Variants in TMEM132C observed in about 807,000 individuals in gnomAD.
The protein encoded by TMEM132C is transmembrane protein 132C, also known as protein phosphatase 1, regulatory subunit 152.
TMEM132C carries 29 observed loss-of-function variants against 61.4 expected under a neutral mutation model. The observed-to-expected ratio is 0.47, with a 90% CI of 0.35 to 0.64. The LOEUF (loss-of-function observed/expected upper bound fraction) is 0.64. TMEM132C is among the 30% of genes least tolerant of loss of function. The pLI is 0.00. For synonymous variants in TMEM132C, 656 were observed against 633.1 expected, an observed-to-expected ratio of 1.04 and a Z score of -0.54; for missense variants, 1,408 against 1,476.9, an observed-to-expected ratio of 0.95 and a Z score of 0.76.
intron 2 of TMEM132C, among the ~76,000 whole-genome samples, chr12:128,506,014 T>A (rs1210219711): frequency 6.6e-6 from 1 of 152,220 alleles, no homozygotes; most frequent in South Asian, 2.1e-4. Flanking sequence ...GGCATAAATA[T>A]GGAGCATTTT....
intron 1 of TMEM132C, among the ~76,000 whole-genome samples, chr12:128,351,615 T>C (rs1225078435): frequency 6.6e-6 from 1 of 151,994 alleles, no homozygotes; most frequent in Non-Finnish European, 1.5e-5. Flanking sequence ...CTGCTTCCAC[T>C]CATGGTGGAA....
chr12:128,562,722 T>C (rs1432014018), intron 3 of TMEM132C, among the ~76,000 whole-genome samples: 1 of 152,130 alleles, frequency 6.6e-6, no homozygotes, highest in African/African-American at 2.4e-5. Context: ...AAAACCACAG[T>C]GGTCACCCCT....
intron 2 of TMEM132C, among the ~76,000 whole-genome samples, chr12:128,469,022 A>G (rs1156388868): frequency 6.6e-6 from 1 of 152,226 alleles, no homozygotes; most frequent in Non-Finnish European, 1.5e-5. Context: ...AGAAACACAA[A>G]GAATTCAACA....
chr12:128,429,962 G>C (rs1869331003), intron 2 of TMEM132C, among the ~76,000 whole-genome samples: 1 of 152,114 alleles, frequency 6.6e-6, no homozygotes, highest in Admixed American at 6.5e-5. Context: ...ACATTGGGGA[G>C]AGGAGGACCA....
intron 3 of TMEM132C, among the ~76,000 whole-genome samples, chr12:128,597,088 A>C (rs1435551481): frequency 6.6e-6 from 1 of 152,212 alleles, no homozygotes; most frequent in African/African-American, 2.4e-5. Flanking sequence ...TTGCTTCTCC[A>C]AATCAGCTTA....
intron 1 of TMEM132C, among the ~76,000 whole-genome samples, chr12:128,308,341 C>G (rs1871850871): frequency 6.8e-6 from 1 of 146,030 alleles, no homozygotes; most frequent in East Asian, 2.5e-4. Flanking sequence ...AACATATCAC[C>G]CTTGGCCAGT....
Position 128,696,030 on chromosome 12 carries a change from A to G in TMEM132C, c.1856A>G (p.Glu619Gly). Residue 619 changes from glutamate to glycine, a missense_variant, in exon 7 of 9, where the codon GAG becomes GGG. Coordinates refer to ENST00000435159, the MANE Select transcript of TMEM132C (RefSeq NM_001136103.3). ...CTGGTGGCAGACTTCATGAAGCTGG[A>G]GGAACCTCACGTGGCCACCCTCCAG... ...THLVADFMKL[E>G]EPHVATLQDS... 6.4e-7 allele frequency: 1 copy of G among 1,551,724 alleles called. No homozygotes were observed. Among genetic ancestry groups the G allele is most frequent in the Non-Finnish European group, 8.7e-7 (1 of 1,146,990 alleles).
chr12:128,456,986 A>G (rs1870368349), intron 2 of TMEM132C, among the ~76,000 whole-genome samples: 1 of 152,134 alleles, frequency 6.6e-6, no homozygotes. Context: ...ATGTGTGAGT[A>G]TATCATTCCT....
intron 2 of TMEM132C, among the ~76,000 whole-genome samples, chr12:128,417,343 G>A (rs552118115): frequency 1.8e-4 from 27 of 152,236 alleles, no homozygotes; most frequent in African/African-American, 6.0e-4. Flanking sequence ...AGTCTCTAGC[G>A]TCTACCAGGG....
intron 3 of TMEM132C, among the ~76,000 whole-genome samples, chr12:128,601,618 G>A (rs560871022): frequency 2.0e-5 from 3 of 152,232 alleles, no homozygotes; most frequent in Middle Eastern, 3.4e-3. Flanking sequence ...CAAGATGGGC[G>A]AGCCCTGGGG....
intron 2 of TMEM132C, among the ~76,000 whole-genome samples, chr12:128,444,731 G>A (rs1424959740): frequency 6.6e-6 from 1 of 152,210 alleles, no homozygotes; most frequent in Non-Finnish European, 1.5e-5. Flanking sequence ...TCTGAGCAAA[G>A]ACTCAGCAAG....
intron 4 of TMEM132C, among the ~76,000 whole-genome samples, chr12:128,628,507 A>G (rs190643144): frequency 1.1e-3 from 173 of 152,264 alleles, no homozygotes; most frequent in East Asian, 7.7e-4. Flanking sequence ...CGGCCACTCT[A>G]TGCCCTGACC....
At chr12:128,337,277 C>T (rs545442278) in intron 1 of TMEM132C, among the ~76,000 whole-genome samples, 21 of 152,012 alleles carry the variant, frequency 1.4e-4, no homozygotes, top group African/African-American at 2.9e-4. Flanking sequence ...GGGAATGACT[C>T]GATAAGAATA....
At chr12:128,419,175 C>T (rs1188968201) in intron 2 of TMEM132C, among the ~76,000 whole-genome samples, 1 of 152,004 alleles carries the variant, frequency 6.6e-6, no homozygotes. Context: ...GTTAGTACAG[C>T]CTCCAAGACT....
intron 3 of TMEM132C, among the ~76,000 whole-genome samples, chr12:128,566,488 G>A (rs1172326408): frequency 6.6e-6 from 1 of 152,156 alleles, no homozygotes; most frequent in East Asian, 1.9e-4. Flanking sequence ...GTGAAACATT[G>A]TGTTTGGCCC....
chr12:128,478,297 T>A (rs1186345241), intron 2 of TMEM132C, among the ~76,000 whole-genome samples: 1 of 152,232 alleles, frequency 6.6e-6, no homozygotes, highest in Non-Finnish European at 1.5e-5. Context: ...TTTTTTTATT[T>A]TTTTATTTTT....
intron 2 of TMEM132C, among the ~76,000 whole-genome samples, chr12:128,435,773 C>A (rs895228079): frequency 6.6e-6 from 1 of 152,160 alleles, no homozygotes; most frequent in African/African-American, 2.4e-5. Context: ...CAATTACTTT[C>A]TTCACAGAAC....
At chr12:128,470,833 A>G (rs908901688) in intron 2 of TMEM132C, among the ~76,000 whole-genome samples, 7 of 152,198 alleles carry the variant, frequency 4.6e-5, no homozygotes, top group Admixed American at 3.3e-4. Context: ...GTCTTAGACA[A>G]TACATTCAAA....
In TMEM132C at chr12:128,409,884, A is replaced by G. The variant is rs538350245; in HGVS notation, c.86-4848A>G. Among the ~76,000 whole-genome samples, 4 of 152,320 alleles carry G rather than the reference A, an allele frequency of 2.6e-5. No homozygotes were observed. In the South Asian group the frequency reaches 8.3e-4, roughly 32 times the overall value. ...AATAATGAACACTTTCTCCCCGGCT[A>G]AGAAAGAAGACGATGATGACAAGAT... On this transcript the variant is annotated intron_variant, in intron 1 of 8. Coordinates refer to ENST00000435159, the MANE Select transcript of TMEM132C (RefSeq NM_001136103.3).
Sources: gnomAD v4.1 joint callset for allele counts (sites outside exome capture counted in the v4.1 genomes callset) on GRCh38, gnomAD v4.1.1 for gene constraint, MANE v1.5 for transcripts, NCBI Gene and HGNC (gene_info 2026-07-23, HGNC 2026-07-21) for gene names.